Variants in RBFOX1 observed in about 807,000 individuals in gnomAD.
RBFOX1 encodes RNA binding fox-1 homolog 1, also known as RNA binding protein fox-1 homolog 1.
In RBFOX1, 8 loss-of-function variants were observed where a neutral mutation model predicts 57.7. The observed-to-expected ratio is 0.14, with a 90% CI of 0.08 to 0.25. The LOEUF (loss-of-function observed/expected upper bound fraction) is 0.25, where lower values mean the gene tolerates loss of function less well. RBFOX1 is among the 10% of genes least tolerant of loss of function. The pLI, the probability that RBFOX1 is intolerant of heterozygous loss-of-function variation, is 1.00. For missense variants in RBFOX1, 611 were observed against 548.5 expected, an observed-to-expected ratio of 1.11 and a Z score of -1.14; for synonymous variants, 326 against 222.4, an observed-to-expected ratio of 1.47 and a Z score of -4.15.
At chr16:6,897,798 AAT>A (rs971760014) in intron 3 of RBFOX1, among the ~76,000 whole-genome samples, 1 of 152,160 alleles carries the variant, frequency 6.6e-6, no homozygotes, top group African/African-American at 2.4e-5. Context: ...CGTCTCAAAA[AAT>A]AAAAAAAGGC....
chr16:6,996,611 T>G (rs1411173988), intron 3 of RBFOX1, among the ~76,000 whole-genome samples: 5 of 152,204 alleles, frequency 3.3e-5, no homozygotes, highest in Non-Finnish European at 5.9e-5. Context: ...CACTGTATTT[T>G]CATTTAACCA....
Position 5,856,173 on chromosome 16 carries a change from C to G in RBFOX1, c.319-11130C>G, listed in dbSNP as rs1233610041. Among the ~76,000 whole-genome samples, 6 of 58,006 alleles carry G rather than the reference C, an allele frequency of 1.0e-4. No individual in the cohort carries two copies. The South Asian group carries it at 3.1e-3, about 30-fold the overall frequency. The allele number at this position is 58,006 out of a possible 152,430, so 38.1% of individuals were successfully genotyped here. On this transcript the variant is annotated intron_variant, in intron 3 of 19. Coordinates refer to the RBFOX1 transcript ENST00000641259. ...TGGTTCTCTCTCTCTCTCTCTCTCT[C>G]TCTCTCTCTCTCTCTATATATATAT...
intron 1 of RBFOX1, among the ~76,000 whole-genome samples, chr16:5,443,547 C>T (rs1326555402): frequency 2.0e-5 from 3 of 152,130 alleles, no homozygotes; most frequent in African/African-American, 7.2e-5. Context: ...CCTGTGTTGG[C>T]CAGGCTGGTC....
chr16:5,475,649 C>G (rs970242382), intron 2 of RBFOX1, among the ~76,000 whole-genome samples: 1 of 152,162 alleles, frequency 6.6e-6, no homozygotes, highest in Non-Finnish European at 1.5e-5. Context: ...AATTTCTCAC[C>G]TAATCTTTGT....
intron 4 of RBFOX1, among the ~76,000 whole-genome samples, chr16:7,079,312 T>TA (rs1388417291): frequency 6.6e-6 from 1 of 152,074 alleles, no homozygotes; most frequent in Admixed American, 6.5e-5. Flanking sequence ...GGAGGTTTGT[T>TA]AAGAGGAGAC....
chr16:5,436,730 T>A (rs1482935694), intron 1 of RBFOX1, among the ~76,000 whole-genome samples: 7 of 151,522 alleles, frequency 4.6e-5, no homozygotes, highest in Non-Finnish European at 1.5e-5. Flanking sequence ...CCCACCTGTT[T>A]GAAAGGCTGA....
intron 10 of RBFOX1, among the ~76,000 whole-genome samples, chr16:7,619,985 C>G (rs1335379152): frequency 6.6e-6 from 1 of 152,212 alleles, no homozygotes; most frequent in African/African-American, 2.4e-5. Flanking sequence ...CATATCTTAT[C>G]ACATTAAAAC....
rs2061520775 is a variant in RBFOX1 at position 7,634,888 on chromosome 16, CA to C, written c.757+4207del. Among the ~76,000 whole-genome samples the C allele has an allele frequency of 2.6e-5, 4 of 152,308 alleles. No individual in the cohort carries two copies. The South Asian group carries it at 8.3e-4, about 32-fold the overall frequency. ...AAGAACAAAACTCTAGAGAATTAGG[CA>C]ACATCACCTAGTGTCAAATGGAAAA... is the stretch of plus-strand genomic sequence containing the variant. On this transcript the variant is annotated intron_variant, in intron 11 of 15. Coordinates refer to ENST00000550418, the MANE Select transcript of RBFOX1 (RefSeq NM_018723.4).
At chr16:5,292,087 C>T (rs994250642) in intron 1 of RBFOX1, among the ~76,000 whole-genome samples, 6 of 151,756 alleles carry the variant, frequency 4.0e-5, no homozygotes, top group Admixed American at 1.3e-4. Context: ...GAGGGATGGA[C>T]GTTCATTTGC....
At chr16:6,352,072 G>A (rs2152847943) in intron 2 of RBFOX1, among the ~76,000 whole-genome samples, 1 of 152,200 alleles carries the variant, frequency 6.6e-6, no homozygotes, top group African/African-American at 2.4e-5. Context: ...ATGAGCTGGA[G>A]GTATCACAGA....
intron 3 of RBFOX1, among the ~76,000 whole-genome samples, chr16:6,964,262 A>G (rs957825024): frequency 6.6e-6 from 1 of 151,856 alleles, no homozygotes; most frequent in African/African-American, 2.4e-5. Flanking sequence ...CAAGTGATGC[A>G]CCCCCCTCGA....
At chr16:5,833,167 C>A (rs1029029125) in intron 3 of RBFOX1, among the ~76,000 whole-genome samples, 5 of 152,142 alleles carry the variant, frequency 3.3e-5, no homozygotes, top group Non-Finnish European at 7.4e-5. Context: ...ACATCTCCTC[C>A]TAATTTTCTA....
At chr16:6,639,987 C>G (rs2154071596) in intron 2 of RBFOX1, among the ~76,000 whole-genome samples, 1 of 152,304 alleles carries the variant, frequency 6.6e-6, no homozygotes, top group Admixed American at 6.5e-5. Context: ...TCAGTACTAA[C>G]ACTAACACCC....
intron 4 of RBFOX1, among the ~76,000 whole-genome samples, chr16:5,989,396 A>C (rs753073032): frequency 1.3e-5 from 2 of 152,094 alleles, no homozygotes; most frequent in Non-Finnish European, 2.9e-5. Flanking sequence ...TTCCCTATAA[A>C]ATGAGAAAAT....
Position 7,550,263 on chromosome 16 carries a change from T to G in RBFOX1, c.271-29514T>G, listed in dbSNP as rs62009898. 1.4e-4 allele frequency among the ~76,000 whole-genome samples: 20 copies of G among 138,398 alleles called. 1 individual carries two copies. Among genetic ancestry groups the G allele is most frequent in the Middle Eastern group, 3.9e-3 (1 of 254 alleles). The allele number at this position is 138,398 out of a possible 152,430, so 90.8% of individuals were successfully genotyped here. The stretch of plus-strand genomic sequence containing the variant: ...GTTCCTCCAGAGTCTTTTTTTTTTT[T>G]GGCTGGGCTGGGAAATACCCTTGAG... On this transcript the variant is annotated intron_variant, in intron 5 of 15. Transcript: ENST00000550418.
At chr16:6,023,492 A>T (rs189219858) in intron 1 of RBFOX1, among the ~76,000 whole-genome samples, 198 of 152,340 alleles carry the variant, frequency 1.3e-3, no homozygotes, top group African/African-American at 4.5e-3. Flanking sequence ...TCACCTTTCC[A>T]AAAATTAGAC....
At chr16:7,520,383 C>G (rs987413104) in intron 5 of RBFOX1, among the ~76,000 whole-genome samples, 1 of 152,134 alleles carries the variant, frequency 6.6e-6, no homozygotes, top group Non-Finnish European at 1.5e-5. Context: ...ATGTTCCTAG[C>G]ACCCCAAAAG....
chr16:7,577,403 C>G (rs1008864592), intron 5 of RBFOX1, among the ~76,000 whole-genome samples: 1 of 152,184 alleles, frequency 6.6e-6, no homozygotes, highest in Non-Finnish European at 1.5e-5. Flanking sequence ...CTCCTGAATC[C>G]AAGACATCAT....
intron 11 of RBFOX1, among the ~76,000 whole-genome samples, chr16:7,635,496 G>T (rs186097277): frequency 7.9e-5 from 12 of 152,136 alleles, no homozygotes; most frequent in African/African-American, 2.7e-4. Context: ...ACCCTTAAAA[G>T]TGTGTGGACG....
Sources: gnomAD v4.1 joint callset for allele counts (sites outside exome capture counted in the v4.1 genomes callset) on GRCh38, gnomAD v4.1.1 for gene constraint, MANE v1.5 for transcripts, NCBI Gene and HGNC (gene_info 2026-07-23, HGNC 2026-07-21) for gene names.